The following RELL1 variants were observed in gnomAD, a reference collection of about 807,000 sequenced individuals.
RELL1 encodes the protein RELT like 1.
A neutral mutation model predicts 23.0 loss-of-function variants in RELL1; 10 were observed. The observed-to-expected ratio is 0.43, with a 90% CI of 0.27 to 0.74. RELL1 has a LOEUF of 0.74. RELL1 is among the 30% of genes least tolerant of loss of function. The probability of loss-of-function intolerance (pLI) is 0.19; values close to 1 mark genes in which losing one functional copy is unlikely to be tolerated. For synonymous variants in RELL1, 146 were observed against 146.8 expected (o/e 0.99, Z 0.04); for missense variants, 315 against 364.4 (o/e 0.86, Z 1.10).
intron 2 of RELL1, 126 bp downstream of exon 2, chr4:37,649,150 A>C (rs1720804516): frequency 1.3e-6 from 1 of 792,440 alleles, no homozygotes; most frequent in African/African-American, 1.7e-5. Context: ...CTGCACTTAC[A>C]CTACACTGCA....
chr4:37,605,846 G>GAAAGAA (rs1560324808), downstream of RELL1, among the ~76,000 whole-genome samples: 1 of 101,444 alleles, frequency 9.9e-6, no homozygotes, highest in Non-Finnish European at 2.0e-5. Flanking sequence ...AAAGAAAGAA[G>GAAAGAA]GAAAAGAAAA....
At chr4:37,682,833 T>G (rs1461124044) in intron 1 of RELL1, among the ~76,000 whole-genome samples, 1 of 152,180 alleles carries the variant, frequency 6.6e-6, no homozygotes, top group Non-Finnish European at 1.5e-5. Context: ...CCAAGGACAA[T>G]GCATTTTTCA....
intron 6 of RELL1, chr4:37,623,611 A>T (rs946093430): frequency 3.3e-5 from 5 of 152,260 alleles, no homozygotes; most frequent in African/African-American, 7.2e-5. Flanking sequence ...GGTTCTACCT[A>T]CCTAGGCTTC....
intron 1 of RELL1, among the ~76,000 whole-genome samples, chr4:37,671,779 A>G (rs1391935212): frequency 2.0e-5 from 3 of 152,156 alleles, no homozygotes; most frequent in Non-Finnish European, 4.4e-5. Context: ...ACTTTCCAAT[A>G]ACCTTGATTT....
chr4:37,643,850 A>G, intron 3 of RELL1, among the ~76,000 whole-genome samples: 1 of 152,174 alleles, frequency 6.6e-6, no homozygotes, highest in East Asian at 1.9e-4. Context: ...TGCAGGCTGG[A>G]AGCTGAAGAG....
chr4:37,618,171 T>G lies in RELL1; in HGVS notation c.*4-4829A>C, dbSNP rs59777817. ...GTTTTTTTCATCTAATAATATACAG[T>G]AGATGCTCTGTGTCTGTACATATAA... On this transcript the variant is annotated intron_variant, in intron 6 of 6. Coordinates refer to ENST00000454158, the MANE Select transcript of RELL1 (RefSeq NM_001085400.2). Among the ~76,000 whole-genome samples, 817 of 152,312 alleles carry G rather than the reference T, an allele frequency of 5.4e-3. 7 individuals are homozygous for G. Among genetic ancestry groups the G allele is most frequent in the African/African-American group, 0.019 (774 of 41,566 alleles).
intron 1 of RELL1, among the ~76,000 whole-genome samples, chr4:37,682,387 C>A (rs1044396210): frequency 6.6e-6 from 1 of 152,202 alleles, no homozygotes. Context: ...ATACCAATGA[C>A]AATTTAATTT....
At chr4:37,617,691 T>C (rs775263767) in intron 6 of RELL1, among the ~76,000 whole-genome samples, 1 of 152,038 alleles carries the variant, frequency 6.6e-6, no homozygotes, top group Non-Finnish European at 1.5e-5. Context: ...GCTGAGGCAA[T>C]AGAATCGCTT....
downstream of RELL1, among the ~76,000 whole-genome samples, chr4:37,586,735 C>T (rs1718357482): frequency 6.6e-6 from 1 of 152,158 alleles, no homozygotes; most frequent in African/African-American, 2.4e-5. Flanking sequence ...CATGGTGAAA[C>T]CTCATCTCTA....
downstream of RELL1, among the ~76,000 whole-genome samples, chr4:37,606,191 G>C (rs13116780): frequency 3.5e-5 from 4 of 114,530 alleles, no homozygotes; most frequent in South Asian, 1.2e-3. This position sits in a 1 kb window ranked among gnomAD's most constrained non-coding sequence, Gnocchi z 4.1. Context: ...AAGAAAGAAA[G>C]AGAAAGAAGA....
intron 1 of RELL1, among the ~76,000 whole-genome samples, chr4:37,675,305 A>C (rs532235288): frequency 6.6e-6 from 1 of 152,264 alleles, no homozygotes. Context: ...GCAATTTCAC[A>C]TAATGCAAAG....
At chr4:37,616,563 G>A (rs1370858462) in intron 6 of RELL1, among the ~76,000 whole-genome samples, 1 of 152,226 alleles carries the variant, frequency 6.6e-6, no homozygotes, top group Non-Finnish European at 1.5e-5. Context: ...AAGGGGCCCA[G>A]TCCCTGGGAA....
At chr4:37,605,783 G>GAA (rs1186497694), downstream of RELL1, among the ~76,000 whole-genome samples, 3 of 70,518 alleles carry the variant, frequency 4.3e-5, no homozygotes, top group Non-Finnish European at 6.6e-5. Flanking sequence ...GAGAGAGAGA[G>GAA]AGAAAGAAAG....
rs140209156 is a variant in RELL1 at position 37,654,648 on chromosome 4, T to C, written c.89-5148A>G. On this transcript the variant is annotated intron_variant, in intron 1 of 6. Transcript: ENST00000454158. ...TACTTAGTCCAAATAGCAAAGGTTG[T>C]TGCATTATTTATAAAAGTCAAAAAA... Among the ~76,000 whole-genome samples the C allele has an allele frequency of 5.3e-5, 8 of 152,344 alleles. No individual in the cohort carries two copies. In the East Asian group the frequency reaches 1.5e-3, roughly 29 times the overall value.
chr4:37,630,982 T>G (rs1720109979), intron 6 of RELL1, among the ~76,000 whole-genome samples: 2 of 152,048 alleles, frequency 1.3e-5, no homozygotes, highest in Admixed American at 1.3e-4. Flanking sequence ...AAATCAGTGA[T>G]TTTACATTTT....
chr4:37,641,958 G>A (rs912056411), intron 3 of RELL1, among the ~76,000 whole-genome samples: 2 of 152,146 alleles, frequency 1.3e-5, no homozygotes, highest in South Asian at 2.1e-4. Context: ...CCTAAAGATC[G>A]TAACTGACTG....
At chr4:37,648,058 G>A (rs996458244) in intron 2 of RELL1, among the ~76,000 whole-genome samples, 1 of 152,182 alleles carries the variant, frequency 6.6e-6, no homozygotes, top group East Asian at 1.9e-4. Flanking sequence ...CAATAAGAAC[G>A]AGGAAGGGTT....
chr4:37,643,110 T>A (rs910389566), intron 3 of RELL1, among the ~76,000 whole-genome samples: 1 of 152,206 alleles, frequency 6.6e-6, no homozygotes, highest in African/African-American at 2.4e-5. Flanking sequence ...CCAACTGGCA[T>A]CCCAAGTAGG....
At chr4:37,660,661 A>G (rs1444195343) in intron 1 of RELL1, among the ~76,000 whole-genome samples, 1 of 152,190 alleles carries the variant, frequency 6.6e-6, no homozygotes, top group African/African-American at 2.4e-5. Context: ...ACCAGTCCCA[A>G]GGGTTTCCGA....
Sources: gnomAD v4.1 joint callset for allele counts (sites outside exome capture counted in the v4.1 genomes callset) on GRCh38, gnomAD v4.1.1 for gene constraint, Gnocchi (gnomAD v3.1) non-coding constraint, MANE v1.5 for transcripts, NCBI Gene and HGNC (gene_info 2026-07-23, HGNC 2026-07-21) for gene names.